ZNF268: variants seen among roughly 807,000 people sequenced by gnomAD.
ZNF268 encodes the protein zinc finger protein 3.
ZNF268 carries 20 observed loss-of-function variants against 29.3 expected under a neutral mutation model. The observed-to-expected ratio is 0.68, with a 90% confidence interval of 0.48 to 0.99. ZNF268 has a LOEUF of 0.99. Among genes scored for constraint, ZNF268 ranks in the 50% least tolerant of loss-of-function variants. ZNF268 has a pLI of 0.00. For synonymous variants in ZNF268, 429 were observed against 376.9 expected (o/e 1.14, Z -1.60); for missense variants, 1,240 against 1,121.6 (o/e 1.11, Z -1.51).
At chr12:133,182,230 A>G (rs190313330) in intron 2 of ZNF268, among the ~76,000 whole-genome samples, 200 bp downstream of exon 2, 22 of 152,178 alleles carry the variant, frequency 1.4e-4, no homozygotes, top group Non-Finnish European at 1.9e-4. Flanking sequence ...CCTTTCATCA[A>G]TCTCTTTTCT....
chr12:133,185,941 G>A (rs921980892), intron 2 of ZNF268, among the ~76,000 whole-genome samples: 1 of 152,098 alleles, frequency 6.6e-6, no homozygotes, highest in African/African-American at 2.4e-5. Context: ...AGTATTCCTG[G>A]TTTTATGTTT....
intron 5 of ZNF268, among the ~76,000 whole-genome samples, chr12:133,195,024 A>G (rs1956561584): frequency 6.7e-6 from 1 of 149,142 alleles, no homozygotes; most frequent in South Asian, 2.1e-4. Flanking sequence ...CAGCCATCCA[A>G]ATGTAGAGGG....
rs1957023555 is a variant in ZNF268 at position 133,214,102 on chromosome 12, C to A, written c.*9572C>A. The A allele has an allele frequency of 6.6e-6, 1 of 152,016 alleles. No homozygotes were observed. The highest frequency in any genetic ancestry group is 2.4e-5 in the African/African-American group (1 of 41,384). 9.4% of individuals were successfully genotyped at this position (152,016 alleles called of 1,614,324 possible). On this transcript the variant is annotated 3_prime_UTR_variant, in exon 6 of 6. Transcript: ENST00000536435. ...TTACAACCCAACAACAAAAAGACAA[C>A]CCAATATCAAAATGGGCAGAGGACT... is the stretch of plus-strand genomic sequence containing the variant.
In ZNF268 at chr12:133,205,892, T is replaced by C. The variant is rs1956890512; in HGVS notation, c.*1362T>C. On this transcript the variant is annotated 3_prime_UTR_variant, in exon 6 of 6. Coordinates refer to ENST00000536435, the MANE Select transcript of ZNF268 (RefSeq NM_003415.3). ...TCAGCTGAGGCTCAGAACTGTACAT[T>C]GTTAATGGGTTTTTCAAGTTCAGAA... 6.6e-6 allele frequency: 1 copy of C among 152,196 alleles called. No homozygotes were observed. The highest frequency in any genetic ancestry group is 6.5e-5 in the Admixed American group (1 of 15,268). 9.4% of individuals were successfully genotyped at this position (152,196 alleles called of 1,614,324 possible).
At chr12:133,191,830 C>T in intron 4 of ZNF268, 78 bp from the exon 5 acceptor site, 2 of 1,563,240 alleles carry the variant, frequency 1.3e-6, no homozygotes, top group South Asian at 2.2e-5. Context: ...TACCTCCAAA[C>T]CAAATCTTTC....
At chr12:133,193,612 T>G (rs998625752) in intron 5 of ZNF268, 4 of 537,456 alleles carry the variant, frequency 7.4e-6, no homozygotes, top group Admixed American at 3.4e-5. Flanking sequence ...AAACGACTAA[T>G]CCATTCATGA....
chr12:133,197,032 T>C (rs955038266), intron 5 of ZNF268, among the ~76,000 whole-genome samples: 1 of 149,872 alleles, frequency 6.7e-6, no homozygotes, highest in Non-Finnish European at 1.5e-5. Context: ...TCCTTTCTTT[T>C]TTTTTTTTTT....
At position 133,212,205 on chromosome 12, in the gene ZNF268, A is replaced by G. The variant is rs550385009; in HGVS notation, c.*7675A>G. On this transcript the variant is annotated 3_prime_UTR_variant, in exon 6 of 6. Transcript: ENST00000536435. ...ATATCTGTGATTGATGACGGTTTGT[A>G]GAGGGCAGGGAGTGAGTTAAATAGG... The G allele has an allele frequency of 6.6e-6, 1 of 152,222 alleles. No individual in the cohort carries two copies. The highest frequency in any genetic ancestry group is 1.9e-4 in the East Asian group (1 of 5,188). 9.4% of individuals were successfully genotyped at this position (152,222 alleles called of 1,614,324 possible).
chr12:133,202,082 A>T (rs561141024), intron 5 of ZNF268, 62 bp from the exon 6 acceptor site: 108 of 1,359,424 alleles, frequency 7.9e-5, no homozygotes, highest in Middle Eastern at 5.8e-4. Context: ...TTTCATAGGC[A>T]ACTTTCTAGT....
chr12:133,196,669 G>GTAAT (rs751086756), intron 5 of ZNF268, among the ~76,000 whole-genome samples: 68 of 152,314 alleles, frequency 4.5e-4, no homozygotes, highest in Non-Finnish European at 7.3e-4. Context: ...AGGGCACAGA[G>GTAAT]TAATTATTCA....
In ZNF268 at chr12:133,212,243, T is replaced by G. The variant is rs1487464693; in HGVS notation, c.*7713T>G. 6.6e-6 allele frequency: 1 copy of G among 151,814 alleles called. No homozygotes were observed. The highest frequency in any genetic ancestry group is 1.5e-5 in the Non-Finnish European group (1 of 67,976). The allele number at this position is 151,814 out of a possible 1,614,324, so 9.4% of individuals were successfully genotyped here. On this transcript the variant is annotated 3_prime_UTR_variant, in exon 6 of 6. Transcript: ENST00000536435. ...TGAGTTAAATAGGAGGATATAATGA[T>G]AGAAACAGGCACAAATGGGCCTTTG...
rs1957000226 is a variant in ZNF268, at chr12:133,212,496, T to TA, written c.*7967dup. 5.1e-5 allele frequency: 1 copy of TA among 19,676 alleles called. No homozygotes were observed. 1.2% of individuals were successfully genotyped at this position (19,676 alleles called of 1,614,324 possible). A position where few individuals can be genotyped will look rare whatever the true frequency, so the allele number is the denominator to read the frequency against. Reference sequence around the variant, plus strand: ...ATATATATATATATATATATATATATATGTATATATACACACACACATACA... The same window carrying TA: ...ATATATATATATATATATATATATATAATGTATATATACACACACACATACA... On this transcript the variant is annotated 3_prime_UTR_variant, in exon 6 of 6. Transcript: ENST00000536435.
At chr12:133,187,223 C>T (rs1040563193) in intron 2 of ZNF268, among the ~76,000 whole-genome samples, 1 of 151,360 alleles carries the variant, frequency 6.6e-6, no homozygotes, top group African/African-American at 2.4e-5. Context: ...CCTTCTAGGT[C>T]GTTGGCGCTT....
chr12:133,198,510 C>T (rs1200797018), intron 5 of ZNF268, among the ~76,000 whole-genome samples: 7 of 151,462 alleles, frequency 4.6e-5, no homozygotes, highest in African/African-American at 9.7e-5. Context: ...ATTGACTTGG[C>T]GATGCGGGCT....
intron 2 of ZNF268, among the ~76,000 whole-genome samples, chr12:133,182,764 A>G (rs1213860938): frequency 1.3e-5 from 2 of 152,240 alleles, no homozygotes; most frequent in Non-Finnish European, 2.9e-5. Context: ...AACTTTGGGC[A>G]CTTTAGGGTT....
intron 5 of ZNF268, among the ~76,000 whole-genome samples, chr12:133,195,933 G>A (rs1161398972): frequency 1.3e-5 from 2 of 149,832 alleles, no homozygotes; most frequent in African/African-American, 4.9e-5. Flanking sequence ...GGCTGGTCTC[G>A]AACTCCTGAC....
intron 5 of ZNF268, among the ~76,000 whole-genome samples, chr12:133,196,646 C>G (rs948730630): frequency 2.0e-5 from 3 of 152,132 alleles, no homozygotes; most frequent in African/African-American, 7.2e-5. Flanking sequence ...AACACAGGAG[C>G]AAATCTGATT....
intron 3 of ZNF268, among the ~76,000 whole-genome samples, chr12:133,191,085 G>A (rs913354534): frequency 2.0e-5 from 3 of 152,100 alleles, no homozygotes; most frequent in Admixed American, 2.0e-4. Context: ...GGGAGGCCGA[G>A]ATGGGCAGAT....
At position 133,214,490 on chromosome 12, in the gene ZNF268, C is replaced by G. The variant is rs1026641309; in HGVS notation, c.*9960C>G. On this transcript the variant is annotated 3_prime_UTR_variant, in exon 6 of 6. Coordinates refer to ENST00000536435, the MANE Select transcript of ZNF268 (RefSeq NM_003415.3). The stretch of plus-strand genomic sequence containing the variant: ...TTCAAGTCCAGTCTGGGCAGCATAG[C>G]AAGACTCCATGTCTACAAAGATAAA... 6.6e-6 allele frequency: 1 copy of G among 152,218 alleles called. No individual in the cohort carries two copies. Among genetic ancestry groups the G allele is most frequent in the South Asian group, 2.1e-4 (1 of 4,822 alleles). 9.4% of individuals were successfully genotyped at this position (152,218 alleles called of 1,614,324 possible). A position where few individuals can be genotyped will look rare whatever the true frequency, so the allele number is the denominator to read the frequency against.
Sources: allele counts gnomAD v4.1 joint callset (sites outside exome capture counted in the v4.1 genomes callset), GRCh38; gene constraint gnomAD v4.1.1; transcripts MANE v1.5; gene names NCBI Gene and HGNC (gene_info 2026-07-23, HGNC 2026-07-21).